Variants in CMKLR2 observed in about 807,000 individuals in gnomAD.
CMKLR2 encodes chemerin chemokine-like receptor 2.
Under a neutral mutation model 23.0 loss-of-function variants are expected in CMKLR2, and 18 were observed. That is an observed-to-expected ratio of 0.78 (90% confidence interval 0.54 to 1.16). CMKLR2 has a LOEUF of 1.16. CMKLR2 is among the 50% of genes most tolerant of loss of function. The probability of loss-of-function intolerance (pLI) is 0.00; values close to 1 mark genes in which losing one functional copy is unlikely to be tolerated. For missense variants in CMKLR2, 401 were observed against 412.7 expected (o/e 0.97, Z 0.25); for synonymous variants, 158 against 158.9 (o/e 0.99, Z 0.05).
chr2:206,215,821 C>A (rs1689735423), upstream of CMKLR2, among the ~76,000 whole-genome samples: 1 of 152,138 alleles, frequency 6.6e-6, no homozygotes, highest in South Asian at 2.1e-4. Context: ...TAGATACCAG[C>A]CAGGCTGTTT....
chr2:206,200,419 G>A (rs530970063), intron 1 of CMKLR2, among the ~76,000 whole-genome samples: 3 of 152,064 alleles, frequency 2.0e-5, no homozygotes, highest in East Asian at 1.9e-4. Context: ...GTAAATCTCC[G>A]TCTCACCAAA....
intron 1 of CMKLR2, among the ~76,000 whole-genome samples, chr2:206,209,962 C>T (rs1366807376): frequency 2.7e-5 from 4 of 146,254 alleles, no homozygotes; most frequent in African/African-American, 1.0e-4. Context: ...TCTTTCTTTT[C>T]TTTCTTTTTT....
Position 206,176,527 on chromosome 2 carries a change from A to G in CMKLR2, c.721T>C (p.Ser241Pro). 1 of 1,614,170 alleles carries G rather than the reference A, an allele frequency of 6.2e-7. No homozygotes were observed. Among genetic ancestry groups the G allele is most frequent in the Non-Finnish European group, 8.5e-7 (1 of 1,180,024 alleles). The part of the protein sequence containing the change: ...FKVKKRSILI[S>P]SRHFWTILVV... ...AGAATTGTCCAGAAATGCCTACTGGAGATCAGGATGCTTCGCTTCTTCACC... is the reference window on the plus strand; with the variant it reads ...AGAATTGTCCAGAAATGCCTACTGGGGATCAGGATGCTTCGCTTCTTCACC... Residue 241 changes from serine (S) to proline (P), a missense_variant, in exon 2 of 2, where the codon TCC (serine) becomes CCC (proline). Coordinates refer to ENST00000621141, the MANE Select transcript of CMKLR2 (RefSeq NM_001389445.1).
chr2:206,209,838 C>T (rs548465929), intron 1 of CMKLR2, among the ~76,000 whole-genome samples: 5 of 151,120 alleles, frequency 3.3e-5, no homozygotes, highest in South Asian at 4.2e-4. Flanking sequence ...TTAGTAGAGA[C>T]GGAGTTTCAC....
At chr2:206,183,123 T>C (rs145418699) in intron 1 of CMKLR2, among the ~76,000 whole-genome samples, 16 of 152,290 alleles carry the variant, frequency 1.1e-4, no homozygotes, top group African/African-American at 3.6e-4. Context: ...GTCTAAAACT[T>C]TGTCTTTTCT....
upstream of CMKLR2, among the ~76,000 whole-genome samples, chr2:206,214,247 C>T (rs1689676193): frequency 6.8e-6 from 1 of 147,260 alleles, no homozygotes; most frequent in Non-Finnish European, 1.5e-5. Context: ...TCACGGTTCA[C>T]TGCAACCTCC....
At position 206,201,171 on chromosome 2, in the gene CMKLR2, C is replaced by CA. The variant is rs199657264; in HGVS notation, c.-29+12135dup. Among the ~76,000 whole-genome samples, 667 of 152,254 alleles carry CA rather than the reference C, an allele frequency of 4.4e-3. 18 individuals carry two copies. The highest frequency in any genetic ancestry group is 0.039 in the Admixed American group (590 of 15,296). On this transcript the variant is annotated intron_variant, in intron 1 of 1. Coordinates refer to ENST00000621141, the MANE Select transcript of CMKLR2 (RefSeq NM_001389445.1). ...TTTACCATGTTGGCCAGTCTGATCT[C>CA]AAACTTCTGACCTCAAGTAATCCTC...
intron 1 of CMKLR2, among the ~76,000 whole-genome samples, chr2:206,199,162 C>T (rs543222810): frequency 6.6e-6 from 1 of 152,168 alleles, no homozygotes; most frequent in South Asian, 2.1e-4. Flanking sequence ...TTTGGGAGGC[C>T]CAGGTGGGCA....
intron 1 of CMKLR2, among the ~76,000 whole-genome samples, chr2:206,206,911 CT>C (rs1407485999): frequency 8.1e-6 from 1 of 124,186 alleles, no homozygotes; most frequent in Non-Finnish European, 1.6e-5. Flanking sequence ...TTCAGTCCCC[CT>C]GCCCCTTTTT....
At chr2:206,187,938 T>C (rs1335648267) in intron 1 of CMKLR2, among the ~76,000 whole-genome samples, 2 of 152,052 alleles carry the variant, frequency 1.3e-5, no homozygotes, top group South Asian at 4.1e-4. Context: ...CTTTCTGTCA[T>C]TCAGGCTGGA....
Position 206,195,584 on chromosome 2 carries a change from T to C in CMKLR2, c.-29+17723A>G, listed in dbSNP as rs146047536. Among the ~76,000 whole-genome samples, 1,348 of 152,270 alleles carry C rather than the reference T, an allele frequency of 8.9e-3. 24 individuals carry two copies. The highest frequency in any genetic ancestry group is 0.031 in the African/African-American group (1,269 of 41,554). On this transcript the variant is annotated intron_variant, in intron 1 of 1. Coordinates refer to ENST00000621141, the MANE Select transcript of CMKLR2 (RefSeq NM_001389445.1). ...CTTCAAGGGCAAGACTCTATGATAA[T>C]GGATATCGTTTTTGAGCTCTTATTC...
At chr2:206,182,596 C>T (rs954566367) in intron 1 of CMKLR2, among the ~76,000 whole-genome samples, 2 of 152,034 alleles carry the variant, frequency 1.3e-5, no homozygotes, top group African/African-American at 4.8e-5. Flanking sequence ...GTCAGGGTCA[C>T]TGCCAGACTC....
chr2:206,204,109 T>C (rs1299629158), intron 1 of CMKLR2, among the ~76,000 whole-genome samples: 5 of 152,220 alleles, frequency 3.3e-5, no homozygotes, highest in Middle Eastern at 3.4e-3. Flanking sequence ...TCCCAGCACT[T>C]TGGGAGTCCG....
chr2:206,195,275 G>T (rs1395293076), intron 1 of CMKLR2, among the ~76,000 whole-genome samples: 1 of 152,202 alleles, frequency 6.6e-6, no homozygotes, highest in Non-Finnish European at 1.5e-5. Context: ...TAAGGAACCA[G>T]TGAGAAAGGA....
At chr2:206,215,085 C>A (rs542601769), upstream of CMKLR2, among the ~76,000 whole-genome samples, 1 of 152,106 alleles carries the variant, frequency 6.6e-6, no homozygotes, top group Non-Finnish European at 1.5e-5. Flanking sequence ...GGAATTCTCA[C>A]GGTGGAGGTC....
At chr2:206,206,751 T>C (rs547710919) in intron 1 of CMKLR2, among the ~76,000 whole-genome samples, 70 of 152,244 alleles carry the variant, frequency 4.6e-4, no homozygotes, top group Non-Finnish European at 8.1e-4. Context: ...CTCAATAGTA[T>C]TTATTGAAGG....
Position 206,176,859 on chromosome 2 carries a change from A to G in CMKLR2, c.389T>C (p.Val130Ala). ...GTGGATATAGTGGTCCAGGCTGATC[A>G]CTGTCAGGAAAAAAACACTGGCAAA... ...NMFASVFFLT[V>A]ISLDHYIHLI... Residue 130 changes from valine (V) to alanine (A), a missense_variant, in exon 2 of 2, where the codon GTG becomes GCG. Physicochemically the swap from Val to Ala is moderately conservative, Grantham distance 64. Coordinates refer to ENST00000621141, the MANE Select transcript of CMKLR2 (RefSeq NM_001389445.1). 1.2e-6 allele frequency: 2 copies of G among 1,614,220 alleles called. No homozygotes were observed. Among genetic ancestry groups the G allele is most frequent in the Non-Finnish European group, 1.7e-6 (2 of 1,180,036 alleles).
intron 1 of CMKLR2, among the ~76,000 whole-genome samples, chr2:206,199,460 G>C (rs1166047183): frequency 1.3e-5 from 2 of 152,162 alleles, no homozygotes; most frequent in East Asian, 3.8e-4. Context: ...GCGCAAGAAA[G>C]AATGCCGGGA....
At chr2:206,195,528 C>A (rs1365349757) in intron 1 of CMKLR2, among the ~76,000 whole-genome samples, 1 of 152,174 alleles carries the variant, frequency 6.6e-6, no homozygotes. Context: ...AAGGCACTGA[C>A]TCATGCACTA....
Sources: gnomAD v4.1 joint callset for allele counts (sites outside exome capture counted in the v4.1 genomes callset) on GRCh38, gnomAD v4.1.1 for gene constraint, MANE v1.5 for transcripts, NCBI Gene and HGNC (gene_info 2026-07-23, HGNC 2026-07-21) for gene names.